ADGRB3: variants seen among roughly 807,000 people sequenced by gnomAD.
ADGRB3 encodes the protein brain-specific angiogenesis inhibitor 3.
ADGRB3 carries 37 observed loss-of-function variants against 193.4 expected under a neutral mutation model. That is an observed-to-expected ratio of 0.19 (90% CI 0.15 to 0.25). ADGRB3 has a LOEUF of 0.25. Ranked by LOEUF, ADGRB3 falls within the 10% of genes least tolerant of loss-of-function variation. The probability of loss-of-function intolerance (pLI) is 1.00; values close to 1 mark genes in which losing one functional copy is unlikely to be tolerated. For synonymous variants in ADGRB3, 690 were observed against 644.2 expected (o/e 1.07, Z -1.08); for missense variants, 1,637 against 1,852.9 (o/e 0.88, Z 2.14).
intron 13 of ADGRB3, among the ~76,000 whole-genome samples, chr6:69,027,822 G>T (rs1215515292): frequency 2.0e-5 from 3 of 152,092 alleles, no homozygotes; most frequent in Non-Finnish European, 2.9e-5. Flanking sequence ...AATAGAGTGT[G>T]GAAGAAGGAG....
chr6:68,960,418 G>A (rs146429677), intron 8 of ADGRB3, among the ~76,000 whole-genome samples: 67 of 152,272 alleles, frequency 4.4e-4, no homozygotes, highest in African/African-American at 1.5e-3. Flanking sequence ...CAGCCGTAGT[G>A]TTGGTAATGC....
At chr6:69,370,659 T>G (rs1238192433) in intron 29 of ADGRB3, among the ~76,000 whole-genome samples, 1 of 152,158 alleles carries the variant, frequency 6.6e-6, no homozygotes, top group Admixed American at 6.5e-5. Flanking sequence ...TCTTTTGCTC[T>G]TGCTTCTAAA....
rs942728115 is a variant in ADGRB3 at position 69,014,018 on chromosome 6, T to C, written c.1930-20T>C. The stretch of plus-strand genomic sequence containing the variant: ...ATTCTCTCATGTAATATTAAATCTT[T>C]TATCTAATTTAATTTACAGAACTTC... On this transcript the variant is annotated intron_variant, in intron 11 of 31. Coordinates refer to ENST00000370598, the MANE Select transcript of ADGRB3 (RefSeq NM_001704.3). 3 of 1,462,400 alleles carry C rather than the reference T, an allele frequency of 2.1e-6. No homozygotes were observed. Among genetic ancestry groups the C allele is most frequent in the African/African-American group, 2.9e-5 (2 of 69,624 alleles). 90.6% of individuals were successfully genotyped at this position (1,462,400 alleles called of 1,614,324 possible).
chr6:68,719,781 T>A (rs2127323151), intron 3 of ADGRB3, among the ~76,000 whole-genome samples: 1 of 151,750 alleles, frequency 6.6e-6, no homozygotes, highest in Admixed American at 6.6e-5. Context: ...TTGGCATCAA[T>A]TCAAAGAGCA....
At chr6:68,977,044 A>T (rs907954144) in intron 10 of ADGRB3, among the ~76,000 whole-genome samples, 4 of 148,842 alleles carry the variant, frequency 2.7e-5, no homozygotes, top group Admixed American at 6.7e-5. Flanking sequence ...ATAGAAATAT[A>T]AATAAGATTT....
At chr6:68,676,998 T>G (rs1297753603) in intron 3 of ADGRB3, among the ~76,000 whole-genome samples, 1 of 152,248 alleles carries the variant, frequency 6.6e-6, no homozygotes, top group African/African-American at 2.4e-5. Context: ...ATATTGTTTA[T>G]TCAATTGCAT....
intron 18 of ADGRB3, among the ~76,000 whole-genome samples, chr6:69,234,305 T>A (rs1166803455): frequency 6.6e-6 from 1 of 152,164 alleles, no homozygotes; most frequent in African/African-American, 2.4e-5. Flanking sequence ...TCCAGATCAG[T>A]GAATGCATGT....
chr6:69,252,770 T>G (rs921164841), intron 20 of ADGRB3, among the ~76,000 whole-genome samples: 1 of 152,108 alleles, frequency 6.6e-6, no homozygotes, highest in African/African-American at 2.4e-5. Flanking sequence ...TGGCATCTTT[T>G]GCTGAGTAGA....
intron 10 of ADGRB3, among the ~76,000 whole-genome samples, chr6:68,989,288 T>C (rs548022622): frequency 1.3e-5 from 2 of 152,226 alleles, no homozygotes; most frequent in Non-Finnish European, 2.9e-5. Context: ...ATCATTAAGA[T>C]GTGAAAGAAC....
intron 17 of ADGRB3, among the ~76,000 whole-genome samples, chr6:69,140,843 AGAGTT>A (rs1469669887): frequency 2.6e-5 from 4 of 152,134 alleles, no homozygotes; most frequent in East Asian, 1.9e-4. Flanking sequence ...ATTCCTAGAT[AGAGTT>A]AAGAGTAATT....
chr6:69,383,771 T>C (rs1248926566), intron 31 of ADGRB3, among the ~76,000 whole-genome samples: 3 of 152,026 alleles, frequency 2.0e-5, no homozygotes, highest in African/African-American at 4.8e-5. Context: ...CCTTATAGGC[T>C]AGGAAGCTGA....
chr6:68,961,327 G>A (rs1247468397), intron 8 of ADGRB3, among the ~76,000 whole-genome samples: 1 of 152,140 alleles, frequency 6.6e-6, no homozygotes, highest in Non-Finnish European at 1.5e-5. Flanking sequence ...ACCAGGCACT[G>A]CCAGGACACA....
chr6:68,965,983 A>T (rs559736772), intron 8 of ADGRB3, among the ~76,000 whole-genome samples: 6 of 152,222 alleles, frequency 3.9e-5, no homozygotes, highest in African/African-American at 1.4e-4. Flanking sequence ...CATATATATC[A>T]ATTAACTTTT....
chr6:69,316,760 T>G (rs1768321236), intron 20 of ADGRB3, among the ~76,000 whole-genome samples: 1 of 151,370 alleles, frequency 6.6e-6, no homozygotes, highest in South Asian at 2.1e-4. Context: ...GAGCAGGTAA[T>G]ATAGAAGTTG....
chr6:68,988,233 T>C (rs1335957537), intron 10 of ADGRB3, among the ~76,000 whole-genome samples: 1 of 152,060 alleles, frequency 6.6e-6, no homozygotes, highest in South Asian at 2.1e-4. Context: ...ACAAACACTA[T>C]AGTAATATAA....
intron 31 of ADGRB3, among the ~76,000 whole-genome samples, chr6:69,387,421 C>T (rs1770097681): frequency 6.6e-6 from 1 of 152,178 alleles, no homozygotes; most frequent in Admixed American, 6.6e-5. Context: ...TCCCTCCACA[C>T]ATCCTAAAAA....
At chr6:68,797,489 G>C (rs893712311) in intron 3 of ADGRB3, among the ~76,000 whole-genome samples, 4 of 152,162 alleles carry the variant, frequency 2.6e-5, no homozygotes, top group African/African-American at 9.7e-5. Flanking sequence ...TCCAGCCCAG[G>C]TGGAGGGCAG....
chr6:69,281,265 A>T (rs930405328), intron 20 of ADGRB3, among the ~76,000 whole-genome samples: 1 of 152,198 alleles, frequency 6.6e-6, no homozygotes, highest in African/African-American at 2.4e-5. Flanking sequence ...ACAGGGATAG[A>T]CTATCAGGCT....
rs991322037 is a variant in ADGRB3, at chr6:69,135,202, A to C, written c.2480+59164A>C. Among the ~76,000 whole-genome samples, 10 of 152,010 alleles carry C rather than the reference A, an allele frequency of 6.6e-5. 1 individual carries two copies. The highest frequency in any genetic ancestry group is 1.3e-4 in the Non-Finnish European group (9 of 67,896). On this transcript the variant is annotated intron_variant, in intron 17 of 31. Coordinates refer to ENST00000370598, the MANE Select transcript of ADGRB3 (RefSeq NM_001704.3). Reference sequence around the variant, plus strand: ...GCTGATTATGCTAAGTAGTGAGTTCATTGTCCATTATAGACTTCTTATCTT... The same window carrying C: ...GCTGATTATGCTAAGTAGTGAGTTCCTTGTCCATTATAGACTTCTTATCTT...
Sources: gnomAD v4.1 joint callset for allele counts (sites outside exome capture counted in the v4.1 genomes callset) on GRCh38, gnomAD v4.1.1 for gene constraint, MANE v1.5 for transcripts, NCBI Gene and HGNC (gene_info 2026-07-23, HGNC 2026-07-21) for gene names.